Variants in CLEC4A observed in about 807,000 individuals in gnomAD.
CLEC4A encodes C-type (calcium dependent, carbohydrate-recognition domain) lectin, superfamily member 6.
Under a neutral mutation model 32.7 loss-of-function variants are expected in CLEC4A, and 27 were observed. The ratio of observed to expected loss-of-function variants is 0.83; its 90% CI spans 0.61 to 1.14. The LOEUF is 1.14. CLEC4A is among the 50% of genes most tolerant of loss of function. CLEC4A has a pLI of 0.00. For synonymous variants in CLEC4A, 89 were observed against 93.7 expected (o/e 0.95, Z 0.29); for missense variants, 253 against 274.6 (o/e 0.92, Z 0.55).
intron 1 of CLEC4A, among the ~76,000 whole-genome samples, chr12:8,124,334 C>G (rs1947867849): frequency 1.3e-5 from 2 of 151,988 alleles, no homozygotes; most frequent in Non-Finnish European, 2.9e-5. Context: ...GCAGGGGGTC[C>G]TGATGAATTT....
rs897459606 is a variant in CLEC4A at position 8,138,441 on chromosome 12, T to C, written c.*154T>C. 21 of 883,440 alleles carry C rather than the reference T, an allele frequency of 2.4e-5. No homozygotes were observed. The African/African-American group carries it at 3.4e-4, about 14-fold the overall frequency. 54.7% of individuals were successfully genotyped at this position (883,440 alleles called of 1,614,324 possible). A position where few individuals can be genotyped will look rare whatever the true frequency, so the allele number is the denominator to read the frequency against. On this transcript the variant is annotated 3_prime_UTR_variant, in exon 6 of 6. Coordinates refer to ENST00000229332, the MANE Select transcript of CLEC4A (RefSeq NM_016184.4). ...TGAGAGAATTGGTCTGTACATTGAC[T>C]GATTCACTTTTTCATAAAGTGAGCA...
chr12:8,120,759 A>G (rs894695433), upstream of CLEC4A: 1 of 152,164 alleles, frequency 6.6e-6, no homozygotes, highest in Non-Finnish European at 1.5e-5. Flanking sequence ...TGCCCAAGAG[A>G]TCTCTTGGAT....
chr12:8,118,488 C>T, the CLEC4A span, among the ~76,000 whole-genome samples: 3 of 152,050 alleles, frequency 2.0e-5, no homozygotes, highest in African/African-American at 7.2e-5. Flanking sequence ...AGCATAGCAG[C>T]TTCTGCTTTT....
At chr12:8,106,409 A>T in the CLEC4A span, among the ~76,000 whole-genome samples, 10 of 152,088 alleles carry the variant, frequency 6.6e-5, no homozygotes, top group South Asian at 2.1e-4. Flanking sequence ...GAATAGTTTT[A>T]AAAAAATTCT....
At chr12:8,126,604 A>G (rs1947905872) in intron 2 of CLEC4A, among the ~76,000 whole-genome samples, 2 of 152,178 alleles carry the variant, frequency 1.3e-5, no homozygotes. Flanking sequence ...AGTATTGTCC[A>G]TCTACTGTAT....
Position 8,138,154 on chromosome 12 carries a change from G to A in CLEC4A, c.581G>A (p.Arg194His), listed in dbSNP as rs145163817. ...YNESSTFWHP[R>H]EPSDPNERCV... ...GTCGCTTTCAGATTCTGGCATCCAC[G>A]TGAGCCCAGTGATCCCAATGAGCGC... is the stretch of plus-strand genomic sequence containing the variant. The change falls in exon 6 of 6, where the codon CGT (arginine) becomes CAT (histidine). Residue 194 changes from arginine (R) to histidine (H), a missense_variant. Coordinates refer to ENST00000229332, the MANE Select transcript of CLEC4A (RefSeq NM_016184.4). 8.7e-5 allele frequency: 140 copies of A among 1,613,742 alleles called. 1 individual carries two copies. Among genetic ancestry groups the A allele is most frequent in the Middle Eastern group, 1.6e-4 (1 of 6,084 alleles).
intron 1 of CLEC4A, among the ~76,000 whole-genome samples, chr12:8,125,355 G>T (rs1231399271): frequency 5.3e-5 from 8 of 152,036 alleles, no homozygotes; most frequent in Non-Finnish European, 1.5e-5. Flanking sequence ...ATCCTCAATT[G>T]TAGGAATTCG....
At chr12:8,133,984 A>T in intron 3 of CLEC4A, 13 of 1,608,240 alleles carry the variant, frequency 8.1e-6, no homozygotes, top group Non-Finnish European at 1.1e-5. Context: ...GTGCATAGCC[A>T]CTGCTTGATC....
chr12:8,108,734 T>C, the CLEC4A span, among the ~76,000 whole-genome samples: 160 of 152,334 alleles, frequency 1.1e-3, 1 homozygote, highest in African/African-American at 3.6e-3. Flanking sequence ...TCTGGTATAC[T>C]TAAATTGCCT....
rs200877311 is a variant in CLEC4A, at chr12:8,138,250, A to C, written c.677A>C (p.Gln226Pro). The C allele has an allele frequency of 7.6e-5, 123 of 1,614,176 alleles. No homozygotes were observed. The Middle Eastern group carries it at 9.9e-4, about 13-fold the overall frequency. The change falls in exon 6 of 6, where the codon CAA becomes CCA. Residue 226 changes from glutamine to proline, a missense_variant. Coordinates refer to ENST00000229332, the MANE Select transcript of CLEC4A (RefSeq NM_016184.4). ...GWNDVNCLGP[Q>P]RSVCEMMKIH... ...AATGATGTTAATTGTCTTGGTCCTC[A>C]AAGGTCAGTTTGTGAGATGATGAAG...
intron 4 of CLEC4A, 82 bp from the exon 5 acceptor site, chr12:8,136,706 T>A: frequency 1.2e-6 from 1 of 820,184 alleles, no homozygotes; most frequent in Non-Finnish European, 2.0e-6. Flanking sequence ...CCTCTCCTTT[T>A]CTTCTTGTTT....
chr12:8,103,094 C>A, the CLEC4A span, among the ~76,000 whole-genome samples: 2 of 152,092 alleles, frequency 1.3e-5, no homozygotes, highest in African/African-American at 4.8e-5. Context: ...ATAATGTGAG[C>A]CTGTATTACT....
chr12:8,108,944 T>G, the CLEC4A span, among the ~76,000 whole-genome samples: 1 of 152,196 alleles, frequency 6.6e-6, no homozygotes, highest in Non-Finnish European at 1.5e-5. Flanking sequence ...AAAAAAGTCA[T>G]TGAAGCACTT....
rs768485447 is a variant in CLEC4A at position 8,138,313 on chromosome 12, G to A, written c.*26G>A. 2 of 1,613,354 alleles carry A rather than the reference G, an allele frequency of 1.2e-6. No individual in the cohort carries two copies. The highest frequency in any genetic ancestry group is 2.7e-5 in the African/African-American group (2 of 74,902). ...ACTGAACATTCTCCATGAACAGGTG[G>A]TTGGATTGGTATCTGTCATTGTAGG... On this transcript the variant is annotated 3_prime_UTR_variant, in exon 6 of 6. Transcript: ENST00000229332.
chr12:8,131,705 C>G (rs767709821), intron 3 of CLEC4A, among the ~76,000 whole-genome samples: 6 of 152,198 alleles, frequency 3.9e-5, no homozygotes, highest in African/African-American at 1.4e-4. Context: ...TTAACCATCA[C>G]AAGTATCTAT....
At chr12:8,129,564 G>A (rs775352194) in intron 3 of CLEC4A, among the ~76,000 whole-genome samples, 8 of 152,148 alleles carry the variant, frequency 5.3e-5, no homozygotes, top group South Asian at 2.1e-4. Context: ...AGGCTGAGGC[G>A]TGTGGATCAC....
At chr12:8,125,751 T>C (rs922830993) in intron 2 of CLEC4A, 74 bp downstream of exon 2, 15 of 854,500 alleles carry the variant, frequency 1.8e-5, no homozygotes, top group Non-Finnish European at 2.8e-5. Context: ...AAACTGACTT[T>C]TGAAAATGAG....
chr12:8,138,442 GA>G lies in CLEC4A; in HGVS notation c.*156del. ...GAGAGAATTGGTCTGTACATTGACT[GA>G]TTCACTTTTTCATAAAGTGAGCATT... On this transcript the variant is annotated 3_prime_UTR_variant, in exon 6 of 6. Coordinates refer to ENST00000229332, the MANE Select transcript of CLEC4A (RefSeq NM_016184.4). 1 of 880,900 alleles carries G rather than the reference GA, an allele frequency of 1.1e-6. No homozygotes were observed. The highest frequency in any genetic ancestry group is 1.7e-6 in the Non-Finnish European group (1 of 589,202). The allele number at this position is 880,900 out of a possible 1,614,324, so 54.6% of individuals were successfully genotyped here. A position where few individuals can be genotyped will look rare whatever the true frequency, so the allele number is the denominator to read the frequency against.
At chr12:8,122,783 A>T (rs886946784), upstream of CLEC4A, among the ~76,000 whole-genome samples, 2 of 152,180 alleles carry the variant, frequency 1.3e-5, no homozygotes, top group East Asian at 1.9e-4. Flanking sequence ...ATATATTTAG[A>T]TATAGAAATA....
Sources: allele counts gnomAD v4.1 joint callset (sites outside exome capture counted in the v4.1 genomes callset), GRCh38; gene constraint gnomAD v4.1.1; transcripts MANE v1.5; gene names NCBI Gene and HGNC (gene_info 2026-07-23, HGNC 2026-07-21).